SEC63: variants seen among roughly 807,000 people sequenced by gnomAD.
The protein encoded by SEC63 is translocation protein SEC63 homolog.
A neutral mutation model predicts 116.2 loss-of-function variants in SEC63; 56 were observed. The observed-to-expected ratio is 0.48, with a 90% CI of 0.39 to 0.60. The LOEUF (loss-of-function observed/expected upper bound fraction) is 0.60. SEC63 is among the 20% of genes least tolerant of loss of function. The pLI is 0.00. For missense variants in SEC63, 668 were observed against 900.0 expected (o/e 0.74, Z 3.30); for synonymous variants, 273 against 294.6 (o/e 0.93, Z 0.75).
At chr6:107,898,185 C>A (rs1208968419) in intron 13 of SEC63, among the ~76,000 whole-genome samples, 1 of 151,496 alleles carries the variant, frequency 6.6e-6, no homozygotes, top group African/African-American at 2.4e-5. Context: ...ATAGCTTGAA[C>A]CTGGGAGCCG....
At chr6:107,885,362 G>C (rs1224374726) in intron 16 of SEC63, among the ~76,000 whole-genome samples, 2 of 152,104 alleles carry the variant, frequency 1.3e-5, no homozygotes, top group Non-Finnish European at 2.9e-5. Flanking sequence ...CTATACACCA[G>C]CAACAAACAC....
intron 13 of SEC63, 27 bp downstream of exon 13, chr6:107,901,343 T>C (rs751840829): frequency 1.4e-5 from 22 of 1,607,976 alleles, no homozygotes; most frequent in Non-Finnish European, 1.8e-5. Flanking sequence ...AGGGAAGCAA[T>C]GCTCAACAGA....
At chr6:107,911,452 C>T in intron 6 of SEC63, 56 bp from the exon 7 acceptor site, 2 of 1,201,034 alleles carry the variant, frequency 1.7e-6, no homozygotes, top group Admixed American at 1.7e-5. Context: ...AAAACAACAT[C>T]CATGAATTTA....
chr6:107,880,000 C>T (rs540230742), intron 18 of SEC63, among the ~76,000 whole-genome samples: 21 of 152,250 alleles, frequency 1.4e-4, no homozygotes, highest in Non-Finnish European at 2.9e-4. Context: ...TTTGAGCACC[C>T]CATGGCACTT....
At chr6:107,891,875 T>C (rs184662001) in intron 16 of SEC63, among the ~76,000 whole-genome samples, 28 of 152,348 alleles carry the variant, frequency 1.8e-4, no homozygotes, top group African/African-American at 6.5e-4. Context: ...TGCCTGGGTA[T>C]CACCAGCGGA....
chr6:107,872,654 T>C (rs1340748954), intron 20 of SEC63, among the ~76,000 whole-genome samples, 154 bp downstream of exon 20: 1 of 152,198 alleles, frequency 6.6e-6, no homozygotes, highest in African/African-American at 2.4e-5. Flanking sequence ...AAGTTTATTA[T>C]TGAAAGAGTA....
intron 1 of SEC63, among the ~76,000 whole-genome samples, chr6:107,939,226 T>G (rs1287164493): frequency 6.6e-6 from 1 of 152,076 alleles, no homozygotes; most frequent in African/African-American, 2.4e-5. Context: ...GAGGCTGTAG[T>G]GAGCCATGAT....
At chr6:107,916,316 C>T (rs1462194764) in intron 4 of SEC63, among the ~76,000 whole-genome samples, 2 of 152,204 alleles carry the variant, frequency 1.3e-5, no homozygotes, top group East Asian at 1.9e-4. Context: ...AACTGCTACG[C>T]AGAAAATGTA....
At chr6:107,924,967 A>C (rs758076243) in intron 2 of SEC63, 35 bp from the exon 3 acceptor site, 1 of 1,132,920 alleles carries the variant, frequency 8.8e-7, no homozygotes, top group Non-Finnish European at 1.3e-6. Context: ...TCATAAACAA[A>C]TACATCTGCA....
intron 1 of SEC63, among the ~76,000 whole-genome samples, chr6:107,945,551 C>G (rs1006782305): frequency 1.3e-5 from 2 of 151,728 alleles, no homozygotes; most frequent in Non-Finnish European, 2.9e-5. Flanking sequence ...TGATCCACCC[C>G]CCTCGGCCTC....
Position 107,958,206 on chromosome 6 carries a change from G to A in SEC63, c.-197C>T. The A allele has an allele frequency of 1.3e-6, 1 of 751,428 alleles. No homozygotes were observed. The highest frequency in any genetic ancestry group is 2.2e-6 in the Non-Finnish European group (1 of 458,224). The allele number at this position is 751,428 out of a possible 1,614,324, so 46.5% of individuals were successfully genotyped here. A position where few individuals can be genotyped will look rare whatever the true frequency, so the allele number is the denominator to read the frequency against. On this transcript the variant is annotated 5_prime_UTR_variant, in exon 1 of 21. Transcript: ENST00000369002. ...CCGCCGCCGTCGCCAGCTCTCGCGAGAGGAGATAGTTCCCGCCCCGCTCAG... is the reference window on the plus strand; with the variant it reads ...CCGCCGCCGTCGCCAGCTCTCGCGAAAGGAGATAGTTCCCGCCCCGCTCAG...
chr6:107,910,838 G>A (rs765840894), intron 7 of SEC63, among the ~76,000 whole-genome samples: 2 of 151,800 alleles, frequency 1.3e-5, no homozygotes, highest in Non-Finnish European at 2.9e-5. Flanking sequence ...GCACAATCTC[G>A]GCTCATTGCA....
At chr6:107,873,347 T>C (rs148589721) in intron 19 of SEC63, among the ~76,000 whole-genome samples, 1 of 152,308 alleles carries the variant, frequency 6.6e-6, no homozygotes, top group African/African-American at 2.4e-5. Context: ...GTCAAGAAGA[T>C]ATTTTATTTA....
At chr6:107,902,724 T>C (rs1465387827) in intron 12 of SEC63, 120 bp downstream of exon 12, 14 of 949,544 alleles carry the variant, frequency 1.5e-5, no homozygotes, top group South Asian at 4.1e-5. Flanking sequence ...TTTTAGAGTA[T>C]TTAAGACATT....
chr6:107,917,831 C>G (rs1404410499), intron 4 of SEC63, among the ~76,000 whole-genome samples: 1 of 152,220 alleles, frequency 6.6e-6, no homozygotes, highest in Non-Finnish European at 1.5e-5. Context: ...GAAACCATCT[C>G]TACAACAGAA....
rs567207227 is a variant in SEC63 at position 107,931,433 on chromosome 6, A to G, written c.125-1919T>C. Among the ~76,000 whole-genome samples the G allele has an allele frequency of 4.8e-4, 72 of 151,250 alleles. 1 individual carries two copies. The highest frequency in any genetic ancestry group is 1.7e-3 in the African/African-American group (70 of 41,210). ...TTAAGCCCAAGCAAAAATAGTATGT[A>G]TTGTTTTACTAAATTCACCCCAAGC... On this transcript the variant is annotated intron_variant, in intron 1 of 20. Transcript: ENST00000369002.
At chr6:107,903,459 G>C (rs1159041816) in intron 11 of SEC63, among the ~76,000 whole-genome samples, 3 of 152,058 alleles carry the variant, frequency 2.0e-5, no homozygotes, top group Non-Finnish European at 2.9e-5. Flanking sequence ...CCAGGGCTTT[G>C]GGAAGCTGAA....
intron 16 of SEC63, among the ~76,000 whole-genome samples, chr6:107,885,761 G>C (rs1367903919): frequency 6.6e-6 from 1 of 152,080 alleles, no homozygotes; most frequent in African/African-American, 2.4e-5. Flanking sequence ...TTAACATAAA[G>C]CTACAACAAT....
At chr6:107,956,982 AC>A (rs1474836170) in intron 1 of SEC63, among the ~76,000 whole-genome samples, 2 of 152,106 alleles carry the variant, frequency 1.3e-5, no homozygotes, top group African/African-American at 4.8e-5. Flanking sequence ...ACCATAAATA[AC>A]CCATTAGGCC....
Sources: gnomAD v4.1 joint callset for allele counts (sites outside exome capture counted in the v4.1 genomes callset) on GRCh38, gnomAD v4.1.1 for gene constraint, MANE v1.5 for transcripts, NCBI Gene and HGNC (gene_info 2026-07-23, HGNC 2026-07-21) for gene names.